Variants in TBC1D8 observed in about 807,000 individuals in gnomAD.
TBC1D8 encodes BUB2-like protein 1.
In TBC1D8, 65 loss-of-function variants were observed where a neutral mutation model predicts 118.8. The observed-to-expected ratio is 0.55, with a 90% CI of 0.45 to 0.67. TBC1D8 has a LOEUF of 0.67. Ranked by LOEUF, TBC1D8 falls within the 30% of genes least tolerant of loss-of-function variation. The probability of loss-of-function intolerance (pLI) is 0.00; values close to 1 mark genes in which losing one functional copy is unlikely to be tolerated. For synonymous variants in TBC1D8, 566 were observed against 595.8 expected (o/e 0.95, Z 0.73); for missense variants, 1,376 against 1,471.2 (o/e 0.94, Z 1.06).
At chr2:101,039,622 A>G (rs780690331) in intron 6 of TBC1D8, among the ~76,000 whole-genome samples, 3 of 152,208 alleles carry the variant, frequency 2.0e-5, no homozygotes, top group Non-Finnish European at 4.4e-5. Flanking sequence ...CAGATCTGGA[A>G]GTAATCTGAG....
chr2:101,138,549 C>A (rs1678959150), intron 1 of TBC1D8, among the ~76,000 whole-genome samples: 1 of 152,194 alleles, frequency 6.6e-6, no homozygotes, highest in African/African-American at 2.4e-5. Context: ...AGCTACAAGT[C>A]AGGGGTTCCC....
intron 5 of TBC1D8, among the ~76,000 whole-genome samples, chr2:101,046,949 A>G (rs889968642): frequency 5.3e-5 from 8 of 151,494 alleles, no homozygotes; most frequent in African/African-American, 1.9e-4. Context: ...GAAGCCCATC[A>G]CTCTCCAACT....
At chr2:101,144,645 A>T (rs1679248857) in intron 1 of TBC1D8, among the ~76,000 whole-genome samples, 1 of 152,186 alleles carries the variant, frequency 6.6e-6, no homozygotes, top group South Asian at 2.1e-4. Context: ...ATTTTAAATA[A>T]ATTCCTCTTG....
rs59998838 is a variant in TBC1D8, at chr2:101,087,825, A to G, written c.283+2384T>C. 2.9e-3 allele frequency among the ~76,000 whole-genome samples: 443 copies of G among 152,296 alleles called. 1 individual carries two copies. Among genetic ancestry groups the G allele is most frequent in the African/African-American group, 0.01 (430 of 41,558 alleles). On this transcript the variant is annotated intron_variant, in intron 2 of 19. Coordinates refer to ENST00000409318, the MANE Select transcript of TBC1D8 (RefSeq NM_001330348.2). ...AGAGATTGGGAAAGCAGGGAGGAGA[A>G]TAAGAATGCTGGCACCCTTGACTCA...
intron 3 of TBC1D8, among the ~76,000 whole-genome samples, chr2:101,055,890 T>C (rs755920570): frequency 4.6e-5 from 7 of 152,086 alleles, no homozygotes; most frequent in Non-Finnish European, 8.8e-5. Flanking sequence ...AGGAGAATCA[T>C]GTAAGCCCAA....
intron 2 of TBC1D8, among the ~76,000 whole-genome samples, chr2:101,082,591 G>A (rs528299548): frequency 1.3e-5 from 2 of 152,334 alleles, no homozygotes; most frequent in African/African-American, 2.4e-5. Flanking sequence ...TCATTCAGCT[G>A]TAAAAACGAC....
chr2:101,054,792 C>T (rs954161006), intron 3 of TBC1D8, among the ~76,000 whole-genome samples: 2 of 146,338 alleles, frequency 1.4e-5, no homozygotes, highest in Non-Finnish European at 3.0e-5. Context: ...AAGTGATTCT[C>T]CTGCCTCAGC....
intron 5 of TBC1D8, among the ~76,000 whole-genome samples, chr2:101,041,993 C>T (rs1057136974): frequency 3.3e-5 from 5 of 151,766 alleles, no homozygotes; most frequent in East Asian, 1.9e-4. Context: ...CCACTGCACT[C>T]TAGCCTGGGC....
intron 1 of TBC1D8, among the ~76,000 whole-genome samples, chr2:101,118,053 C>T (rs188025462): frequency 6.6e-6 from 1 of 152,032 alleles, no homozygotes; most frequent in Admixed American, 6.5e-5. Context: ...ATAGCAAATG[C>T]CACTCTTATC....
intron 1 of TBC1D8, among the ~76,000 whole-genome samples, chr2:101,139,650 C>T (rs972801666): frequency 6.6e-6 from 1 of 152,192 alleles, no homozygotes; most frequent in Admixed American, 6.5e-5. Flanking sequence ...GTATCCCACA[C>T]TTAACTTGTC....
chr2:101,066,911 C>T (rs1053144906), intron 2 of TBC1D8, among the ~76,000 whole-genome samples: 21 of 145,256 alleles, frequency 1.4e-4, no homozygotes, highest in African/African-American at 5.2e-4. Context: ...AGTGCCACTG[C>T]ACTCCAGCCT....
chr2:101,088,727 C>T (rs910013833), intron 2 of TBC1D8, among the ~76,000 whole-genome samples: 1 of 152,062 alleles, frequency 6.6e-6, no homozygotes, highest in Non-Finnish European at 1.5e-5. Flanking sequence ...CACACCACCA[C>T]GCCCAGCTAA....
intron 4 of TBC1D8, among the ~76,000 whole-genome samples, chr2:101,051,071 C>G (rs372372004): frequency 5.1e-4 from 77 of 152,312 alleles, no homozygotes; most frequent in African/African-American, 1.8e-3. Context: ...ATCCATGTTC[C>G]TGCAAAGGAC....
At chr2:101,036,963 G>C (rs1290921095) in intron 8 of TBC1D8, among the ~76,000 whole-genome samples, 1 of 152,158 alleles carries the variant, frequency 6.6e-6, no homozygotes, top group African/African-American at 2.4e-5. Context: ...AAATAAGCTC[G>C]GGTTAACAGG....
intron 1 of TBC1D8, among the ~76,000 whole-genome samples, chr2:101,149,453 C>G (rs372110782): frequency 6.6e-6 from 1 of 152,166 alleles, no homozygotes; most frequent in African/African-American, 2.4e-5. Context: ...CGGCCCTCAC[C>G]GCCTGCTCTC....
chr2:101,098,342 G>C (rs1676607072), intron 1 of TBC1D8, among the ~76,000 whole-genome samples: 1 of 151,708 alleles, frequency 6.6e-6, no homozygotes, highest in African/African-American at 2.4e-5. Context: ...TCACACCATT[G>C]CTTTCCAGCC....
intron 17 of TBC1D8, among the ~76,000 whole-genome samples, chr2:101,020,303 T>C (rs977378683): frequency 1.3e-5 from 2 of 151,492 alleles, no homozygotes; most frequent in Non-Finnish European, 2.9e-5. Flanking sequence ...ATGCCAGATA[T>C]AGATAATGAC....
intron 17 of TBC1D8, among the ~76,000 whole-genome samples, chr2:101,015,098 TCGC>T (rs2105366587): frequency 6.6e-6 from 1 of 152,324 alleles, no homozygotes; most frequent in South Asian, 2.1e-4. Flanking sequence ...ACTACACACC[TCGC>T]CTATAAAGTC....
intron 2 of TBC1D8, among the ~76,000 whole-genome samples, chr2:101,075,808 A>C (rs1320681956): frequency 6.6e-6 from 1 of 152,176 alleles, no homozygotes; most frequent in Non-Finnish European, 1.5e-5. Flanking sequence ...AATGGGCTCT[A>C]ATGGGCAGAA....
Sources: gnomAD v4.1 joint callset for allele counts (sites outside exome capture counted in the v4.1 genomes callset) on GRCh38, gnomAD v4.1.1 for gene constraint, MANE v1.5 for transcripts, NCBI Gene and HGNC (gene_info 2026-07-23, HGNC 2026-07-21) for gene names.